TAF4B: variants seen among roughly 807,000 people sequenced by gnomAD.
TAF4B encodes the protein transcription initiation factor TFIID subunit 4B.
In TAF4B, 38 loss-of-function variants were observed where a neutral mutation model predicts 86.4. The observed-to-expected ratio is 0.44, with a 90% CI of 0.34 to 0.58. The LOEUF (loss-of-function observed/expected upper bound fraction) is 0.58. Among genes scored for constraint, TAF4B ranks in the 20% least tolerant of loss-of-function variants. The pLI, the probability that TAF4B is intolerant of heterozygous loss-of-function variation, is 0.02. For missense variants in TAF4B, 988 were observed against 1,027.6 expected, an observed-to-expected ratio of 0.96 and a Z score of 0.53; for synonymous variants, 388 against 391.2, an observed-to-expected ratio of 0.99 and a Z score of 0.10.
At chr18:26,364,325 AC>A in intron 14 of TAF4B, among the ~76,000 whole-genome samples, 1 of 152,252 alleles carries the variant, frequency 6.6e-6, no homozygotes, top group South Asian at 2.1e-4. Context: ...ATTTGGGAGT[AC>A]TTTGAAATGT....
In TAF4B at chr18:26,284,673, A is replaced by G. The variant is rs932847326; in HGVS notation, c.973-1209A>G. ...TTGGCGGATCACCTGAGGTGAGGAG[A>G]TGGAGACCAGCCTGGCCAACATGGC... On this transcript the variant is annotated intron_variant, in intron 6 of 14. Transcript: ENST00000269142. Among the ~76,000 whole-genome samples, 10 of 152,080 alleles carry G rather than the reference A, an allele frequency of 6.6e-5. No homozygotes were observed. In the South Asian group the frequency reaches 1.7e-3, roughly 25 times the overall value.
chr18:26,257,135 T>G (rs902501087), intron 1 of TAF4B, among the ~76,000 whole-genome samples: 1 of 152,198 alleles, frequency 6.6e-6, no homozygotes, highest in Admixed American at 6.5e-5. Flanking sequence ...AGTGGTTGAT[T>G]TCCTTGCTGC....
intron 13 of TAF4B, among the ~76,000 whole-genome samples, chr18:26,347,627 A>G (rs1429213026): frequency 4.6e-5 from 7 of 152,242 alleles, no homozygotes; most frequent in East Asian, 3.8e-4. Flanking sequence ...TAAAAGATAC[A>G]GACTAGCCAA....
chr18:26,300,404 C>CA (rs1347233457), intron 9 of TAF4B, among the ~76,000 whole-genome samples: 3 of 147,976 alleles, frequency 2.0e-5, no homozygotes, highest in Non-Finnish European at 4.5e-5. Flanking sequence ...ACAACAACAA[C>CA]AAAAAAATCC....
intron 6 of TAF4B, among the ~76,000 whole-genome samples, chr18:26,284,359 C>T (rs1405500348): frequency 2.6e-5 from 4 of 152,294 alleles, no homozygotes; most frequent in African/African-American, 7.2e-5. Context: ...AAGACTGTTT[C>T]GTTTTCTTAT....
intron 3 of TAF4B, among the ~76,000 whole-genome samples, chr18:26,274,043 G>A (rs2056352984): frequency 6.6e-6 from 1 of 152,056 alleles, no homozygotes; most frequent in South Asian, 2.1e-4. Flanking sequence ...ACTTGTGATT[G>A]CTTGTATGAG....
chr18:26,240,586 T>TGC (rs1472309502), intron 1 of TAF4B, among the ~76,000 whole-genome samples: 1 of 152,226 alleles, frequency 6.6e-6, no homozygotes, highest in African/African-American at 2.4e-5. Flanking sequence ...TTCTTTCTCC[T>TGC]GCCTGATTGC....
intron 9 of TAF4B, among the ~76,000 whole-genome samples, chr18:26,301,655 C>A (rs1474694855): frequency 6.6e-6 from 1 of 152,090 alleles, no homozygotes; most frequent in Non-Finnish European, 1.5e-5. Flanking sequence ...GACTCTATTT[C>A]TATTATCTGG....
chr18:26,274,557 T>A, intron 3 of TAF4B, 106 bp from the exon 4 acceptor site: 1 of 1,286,124 alleles, frequency 7.8e-7, no homozygotes, highest in Non-Finnish European at 1.1e-6. Flanking sequence ...GAGCATAACA[T>A]AAAACCACAG....
chr18:26,270,397 G>A (rs1025586549), intron 3 of TAF4B, among the ~76,000 whole-genome samples: 9 of 152,174 alleles, frequency 5.9e-5, no homozygotes, highest in African/African-American at 2.2e-4. Context: ...AGTCTTAATA[G>A]TTCTAGAACA....
chr18:26,282,040 C>T lies in TAF4B; in HGVS notation c.952C>T (p.His318Tyr), dbSNP rs151301154. 6.2e-7 allele frequency: 1 copy of T among 1,612,996 alleles called. No individual in the cohort carries two copies. Among genetic ancestry groups the T allele is most frequent in the South Asian group, 1.1e-5 (1 of 90,894 alleles). Reference sequence around the variant, plus strand: ...TGAACTCAAGTCTTCACCTCAGCCTCACCTGGTTCCTTTTCTTAAGGTAGA... The same window carrying T: ...TGAACTCAAGTCTTCACCTCAGCCTTACCTGGTTCCTTTTCTTAAGGTAGA... The part of the protein sequence containing the change: ...YVELKSSPQP[H>Y]LVPFLKKSVV... The change falls in exon 6 of 15, where the codon CAC becomes TAC. Residue 318 changes from histidine to tyrosine, a missense_variant. By Grantham distance (83) the His-to-Tyr change is moderately conservative (BLOSUM62 2). Around this residue, in one of 3 missense-constraint regions of TAF4B, gnomAD observed 747 missense variants for 737.9 expected, o/e 1.01. Transcript: ENST00000269142.
intron 12 of TAF4B, among the ~76,000 whole-genome samples, chr18:26,334,263 A>G (rs2057073520): frequency 6.6e-6 from 1 of 152,132 alleles, no homozygotes; most frequent in African/African-American, 2.4e-5. Context: ...CCTTTAACCA[A>G]AGGTTCTGGT....
intron 13 of TAF4B, among the ~76,000 whole-genome samples, chr18:26,342,024 C>T (rs1372467116): frequency 6.6e-6 from 1 of 151,986 alleles, no homozygotes; most frequent in African/African-American, 2.4e-5. Flanking sequence ...GAGTTTGATC[C>T]ATGAAATTTT....
intron 1 of TAF4B, among the ~76,000 whole-genome samples, chr18:26,239,614 G>A (rs57820329): frequency 0.11 from 16,848 of 152,066 alleles, 939 homozygotes; most frequent in Middle Eastern, 0.14. Flanking sequence ...TGTCAATTTT[G>A]GCTTTTGTTG....
In TAF4B at chr18:26,320,974, G is replaced by A. The variant is rs1259634897; in HGVS notation, c.2003-96G>A. Reference sequence around the variant, plus strand: ...ATCTCCAAACCTTTATTCATAATGGGTATGACTTCCAGGGGGAACAGAATA... The same window carrying A: ...ATCTCCAAACCTTTATTCATAATGGATATGACTTCCAGGGGGAACAGAATA... On this transcript the variant is annotated intron_variant, in intron 10 of 14. Transcript: ENST00000269142. 4.1e-6 allele frequency: 6 copies of A among 1,446,784 alleles called. No individual in the cohort carries two copies. The South Asian group carries it at 6.2e-5, about 15-fold the overall frequency. The allele number at this position is 1,446,784 out of a possible 1,614,324, so 89.6% of individuals were successfully genotyped here.
At chr18:26,250,369 C>T (rs980028761) in intron 1 of TAF4B, among the ~76,000 whole-genome samples, 17 of 152,046 alleles carry the variant, frequency 1.1e-4, no homozygotes, top group East Asian at 7.8e-4. Context: ...TGGTAGCAGG[C>T]GCCTGTAGTC....
chr18:26,245,208 G>T (rs2055904280), intron 1 of TAF4B, among the ~76,000 whole-genome samples: 1 of 152,148 alleles, frequency 6.6e-6, no homozygotes, highest in Non-Finnish European at 1.5e-5. Flanking sequence ...GCAAGCAAAA[G>T]GGGTCCGATG....
intron 14 of TAF4B, among the ~76,000 whole-genome samples, chr18:26,368,456 A>G (rs2057385321): frequency 6.6e-6 from 1 of 152,188 alleles, no homozygotes; most frequent in African/African-American, 2.4e-5. Flanking sequence ...CTAAAAGTCT[A>G]TTCACATGAA....
At chr18:26,336,350 A>AGGTT (rs1447619861) in intron 13 of TAF4B, among the ~76,000 whole-genome samples, 1 of 152,196 alleles carries the variant, frequency 6.6e-6, no homozygotes, top group African/African-American at 2.4e-5. Context: ...CAGCAGCAGC[A>AGGTT]GGTTATTTAT....
Sources: allele counts gnomAD v4.1 joint callset (sites outside exome capture counted in the v4.1 genomes callset), GRCh38; gene constraint gnomAD v4.1.1; regional missense constraint gnomAD v4.1.1; transcripts MANE v1.5; gene names NCBI Gene and HGNC (gene_info 2026-07-23, HGNC 2026-07-21).